The following CTNND2 variants were observed in gnomAD, a reference collection of about 807,000 sequenced individuals.
CTNND2 encodes the protein catenin delta 2, also known as catenin delta-2.
Under a neutral mutation model 144.4 loss-of-function variants are expected in CTNND2, and 22 were observed. That is an observed-to-expected ratio of 0.15 (90% CI 0.11 to 0.22). The LOEUF is 0.22. CTNND2 is among the 10% of genes least tolerant of loss of function. The pLI is 1.00. For missense variants in CTNND2, 1,353 were observed against 1,618.8 expected (o/e 0.84, Z 2.82); for synonymous variants, 751 against 695.6 (o/e 1.08, Z -1.25).
At chr5:11,608,623 A>T (rs1390150142) in intron 2 of CTNND2, among the ~76,000 whole-genome samples, 1 of 152,102 alleles carries the variant, frequency 6.6e-6, no homozygotes, top group Admixed American at 6.6e-5. Context: ...TCCACTTCAC[A>T]TAATCTCTAC....
At chr5:11,559,823 C>T (rs1302262166) in intron 3 of CTNND2, among the ~76,000 whole-genome samples, 1 of 152,186 alleles carries the variant, frequency 6.6e-6, no homozygotes, top group Non-Finnish European at 1.5e-5. Flanking sequence ...AAGTAAAGTT[C>T]CTTCCCTCTA....
chr5:11,352,349 C>T (rs1052831095), intron 8 of CTNND2, among the ~76,000 whole-genome samples: 1 of 152,062 alleles, frequency 6.6e-6, no homozygotes, highest in African/African-American at 2.4e-5. Context: ...TGATGTAAAA[C>T]CCTATCCTTA....
At chr5:11,354,219 T>C (rs1457023693) in intron 8 of CTNND2, among the ~76,000 whole-genome samples, 1 of 152,208 alleles carries the variant, frequency 6.6e-6, no homozygotes, top group African/African-American at 2.4e-5. Context: ...AGAACAGAAT[T>C]AGCTGTGGAA....
intron 21 of CTNND2, among the ~76,000 whole-genome samples, chr5:10,978,314 A>G (rs933114271): frequency 1.3e-5 from 2 of 152,226 alleles, no homozygotes; most frequent in Admixed American, 1.3e-4. Context: ...CAACCGGAAG[A>G]GAGTGAAAAC....
chr5:11,569,284 T>C (rs1480279331), intron 2 of CTNND2, among the ~76,000 whole-genome samples: 1 of 152,174 alleles, frequency 6.6e-6, no homozygotes. Context: ...CTCCCCACTA[T>C]GTGGAAATCA....
intron 2 of CTNND2, among the ~76,000 whole-genome samples, chr5:11,566,246 T>G (rs1777087291): frequency 6.6e-6 from 1 of 152,218 alleles, no homozygotes. Context: ...AGAGCTTAAT[T>G]TTCCCTTTAA....
chr5:11,103,148 A>G (rs1752083823), intron 14 of CTNND2, among the ~76,000 whole-genome samples: 1 of 151,112 alleles, frequency 6.6e-6, no homozygotes, highest in African/African-American at 2.4e-5. Context: ...CACCCAGCTA[A>G]TTTTTGTATT....
At position 10,973,779 on chromosome 5, in the gene CTNND2, C is replaced by T. The variant is rs112846822; in HGVS notation, c.3418-66G>A. 8.2e-5 allele frequency: 123 copies of T among 1,500,260 alleles called. 1 individual carries two copies. In the African/African-American group the frequency reaches 1.2e-3, roughly 15 times the overall value. 92.9% of individuals were successfully genotyped at this position (1,500,260 alleles called of 1,614,324 possible). A position where few individuals can be genotyped will look rare whatever the true frequency, so the allele number is the denominator to read the frequency against. ...CCTTGACTCAGCCTGCCTCTTGCCC[C>T]GGCACCCAACTCTCCTTCAAAGAAT... On this transcript the variant is annotated intron_variant, in intron 21 of 21. Coordinates refer to ENST00000304623, the MANE Select transcript of CTNND2 (RefSeq NM_001332.4). The surrounding 1 kb of genome is among the most constrained non-coding windows in gnomAD (Gnocchi z 5.6).
chr5:11,408,446 T>C (rs1024885513), intron 5 of CTNND2, among the ~76,000 whole-genome samples: 2 of 152,132 alleles, frequency 1.3e-5, no homozygotes, highest in African/African-American at 4.8e-5. Context: ...TTAAGAATAA[T>C]AATATTCTTT....
intron 1 of CTNND2, among the ~76,000 whole-genome samples, chr5:11,821,099 A>T (rs1267118321): frequency 2.0e-5 from 3 of 152,224 alleles, no homozygotes. Flanking sequence ...CCAGTTATCA[A>T]AATACAATTG....
intron 2 of CTNND2, among the ~76,000 whole-genome samples, chr5:11,630,332 C>T (rs1191751235): frequency 6.6e-6 from 1 of 152,166 alleles, no homozygotes; most frequent in Non-Finnish European, 1.5e-5. Flanking sequence ...CTGCAGGACA[C>T]TGGGCAACAT....
intron 2 of CTNND2, among the ~76,000 whole-genome samples, chr5:11,729,428 C>T (rs1462840337): frequency 6.6e-6 from 1 of 152,070 alleles, no homozygotes; most frequent in African/African-American, 2.4e-5. Context: ...AAACCAAAAA[C>T]ATATCTAATG....
At chr5:11,825,919 T>C (rs1326593011) in intron 1 of CTNND2, among the ~76,000 whole-genome samples, 1 of 151,874 alleles carries the variant, frequency 6.6e-6, no homozygotes, top group Non-Finnish European at 1.5e-5. Flanking sequence ...ACAATAAAAA[T>C]AAATTAAAAC....
At chr5:11,890,889 T>C (rs550499341) in intron 1 of CTNND2, among the ~76,000 whole-genome samples, 2 of 152,108 alleles carry the variant, frequency 1.3e-5, no homozygotes, top group South Asian at 2.1e-4. Flanking sequence ...TAAGATAAAA[T>C]AGAAAGAAAC....
chr5:11,651,471 G>C (rs1339503777), intron 2 of CTNND2, among the ~76,000 whole-genome samples: 5 of 152,224 alleles, frequency 3.3e-5, no homozygotes, highest in African/African-American at 1.2e-4. Flanking sequence ...CCCCCAGACA[G>C]AGTCCCCACT....
chr5:11,024,478 T>G (rs1272621601), intron 16 of CTNND2, among the ~76,000 whole-genome samples: 1 of 152,206 alleles, frequency 6.6e-6, no homozygotes, highest in African/African-American at 2.4e-5. Context: ...ATGCTGGAGA[T>G]TCTACCAGTT....
At chr5:11,834,913 G>A (rs865843534) in intron 1 of CTNND2, among the ~76,000 whole-genome samples, 4 of 152,176 alleles carry the variant, frequency 2.6e-5, no homozygotes, top group African/African-American at 9.7e-5. Context: ...GTCCAGAGCA[G>A]GAAGATCATT....
intron 12 of CTNND2, among the ~76,000 whole-genome samples, chr5:11,136,678 C>T (rs1159788781): frequency 6.6e-6 from 1 of 152,196 alleles, no homozygotes; most frequent in Non-Finnish European, 1.5e-5. Flanking sequence ...TCTCTAAGGC[C>T]ACCATGTATC....
At chr5:11,887,419 T>C (rs1050750319) in intron 1 of CTNND2, among the ~76,000 whole-genome samples, 2 of 152,002 alleles carry the variant, frequency 1.3e-5, no homozygotes, top group Non-Finnish European at 2.9e-5. Flanking sequence ...GAATAATAAT[T>C]CTAAAATATT....
Sources: gnomAD v4.1 joint callset for allele counts (sites outside exome capture counted in the v4.1 genomes callset) on GRCh38, gnomAD v4.1.1 for gene constraint, Gnocchi (gnomAD v3.1) non-coding constraint, MANE v1.5 for transcripts, NCBI Gene and HGNC (gene_info 2026-07-23, HGNC 2026-07-21) for gene names.